Variants in KRT8 observed in about 807,000 individuals in gnomAD.
The protein encoded by KRT8 is keratin 8.
KRT8 carries 24 observed loss-of-function variants against 43.0 expected under a neutral mutation model. The ratio of observed to expected loss-of-function variants is 0.56; its 90% confidence interval spans 0.40 to 0.78. KRT8 has a LOEUF of 0.78. Ranked by LOEUF, KRT8 falls within the 30% of genes least tolerant of loss-of-function variation. The pLI is 0.00. For missense variants in KRT8, 492 were observed against 638.4 expected (o/e 0.77, Z 2.47); for synonymous variants, 214 against 261.2 (o/e 0.82, Z 1.74).
At chr12:52,935,400 A>AAGAAG (rs1565731950) in intron 2 of KRT8, among the ~76,000 whole-genome samples, 1 of 134,568 alleles carries the variant, frequency 7.4e-6, no homozygotes, top group Non-Finnish European at 1.6e-5. Context: ...AAAAAAAAAA[A>AAGAAG]AAAAAAAAAA....
chr12:52,899,627 G>C (rs747378454), intron 5 of KRT8, 148 bp downstream of exon 5: 14 of 693,082 alleles, frequency 2.0e-5, no homozygotes, highest in Non-Finnish European at 3.5e-5. Flanking sequence ...GAAGCAGACT[G>C]AGAAGCTGAA....
At chr12:52,913,577 C>A (rs1941676841) in intron 2 of KRT8, among the ~76,000 whole-genome samples, 1 of 143,188 alleles carries the variant, frequency 7.0e-6, no homozygotes, top group African/African-American at 2.5e-5. Flanking sequence ...CCTCACAGGC[C>A]CACCCCCCAC....
intron 2 of KRT8, among the ~76,000 whole-genome samples, chr12:52,939,376 C>T (rs1224550825): frequency 3.9e-5 from 6 of 152,124 alleles, no homozygotes; most frequent in Non-Finnish European, 2.9e-5. Context: ...TGGTGGCACA[C>T]GCCTTTAGTC....
chr12:52,938,159 TATATATATA>T (rs1942204201), intron 2 of KRT8, among the ~76,000 whole-genome samples: 3 of 40,394 alleles, frequency 7.4e-5, no homozygotes, highest in African/African-American at 3.0e-4. Context: ...TATATATATA[TATATATATA>T]TATTTTTTTT....
chr12:52,918,230 A>AAGAAGAAGAAGG (rs1941812787), intron 2 of KRT8, among the ~76,000 whole-genome samples: 1 of 149,454 alleles, frequency 6.7e-6, no homozygotes. Context: ...GAAGAAGAAG[A>AAGAAGAAGAAGG]AGAAGAAGAA....
At chr12:52,949,094 A>G (rs1280089289) in intron 2 of KRT8, 4 of 1,311,922 alleles carry the variant, frequency 3.0e-6, no homozygotes, top group Non-Finnish European at 3.2e-6. Flanking sequence ...CTGCGATATA[A>G]CTCGGGTCGC....
intron 1 of KRT8, 81 bp from the exon 2 acceptor site, chr12:52,902,153 T>G: frequency 1.2e-6 from 1 of 855,584 alleles, no homozygotes; most frequent in Non-Finnish European, 1.9e-6. Context: ...GTCTTTTCTC[T>G]TAATTCACTC....
chr12:52,900,997 C>T (rs1167455538), intron 3 of KRT8, 162 bp downstream of exon 3: 22 of 733,544 alleles, frequency 3.0e-5, no homozygotes, highest in Non-Finnish European at 5.3e-5. Flanking sequence ...AATGCACCTA[C>T]CACTCCATCC....
chr12:52,906,660 G>A (rs1359975588), upstream of KRT8: 1 of 455,606 alleles, frequency 2.2e-6, no homozygotes, highest in Non-Finnish European at 4.4e-6. Context: ...GATGGCTGGG[G>A]CTGGGTTCTC....
chr12:52,916,928 G>A (rs1302118819), intron 2 of KRT8, among the ~76,000 whole-genome samples: 1 of 152,170 alleles, frequency 6.6e-6, no homozygotes, highest in Non-Finnish European at 1.5e-5. Context: ...GCCAGCCCTG[G>A]AGAAGAGGTT....
At chr12:52,918,734 A>C (rs1941827733) in intron 2 of KRT8, among the ~76,000 whole-genome samples, 1 of 152,202 alleles carries the variant, frequency 6.6e-6, no homozygotes, top group Non-Finnish European at 1.5e-5. Context: ...AAGACATGTT[A>C]GCTTGACTCT....
chr12:52,918,224 A>AAGAAGG (rs1941812042), intron 2 of KRT8, among the ~76,000 whole-genome samples: 3 of 138,260 alleles, frequency 2.2e-5, no homozygotes, highest in Non-Finnish European at 5.0e-5. Flanking sequence ...GAAGAAGAAG[A>AAGAAGG]AGAAGAAGAA....
chr12:52,915,815 C>T (rs754300328), intron 2 of KRT8, among the ~76,000 whole-genome samples: 26 of 152,140 alleles, frequency 1.7e-4, no homozygotes, highest in Non-Finnish European at 3.4e-4. Context: ...CCAATAAAGA[C>T]GTGGAACCAG....
In KRT8 at chr12:52,926,238, A is replaced by ACTCC. The variant is rs1000924128; in HGVS notation, c.-46-21215_-46-21212dup. Reference sequence around the variant, plus strand: ...CTACAAACACTGCTTTGATCCTGTCACTCCCTAGCCCAGAGCTTCCCGTTG... The same window carrying ACTCC: ...CTACAAACACTGCTTTGATCCTGTCACTCCCTCCCTAGCCCAGAGCTTCCCGTTG... On this transcript the variant is annotated intron_variant, in intron 2 of 6. Coordinates refer to the KRT8 transcript ENST00000546826. Among the ~76,000 whole-genome samples the ACTCC allele has an allele frequency of 7.1e-5, 10 of 141,824 alleles. No individual in the cohort carries two copies. In the Admixed American group the frequency reaches 8.0e-4, roughly 11 times the overall value. The allele number at this position is 141,824 out of a possible 152,430, so 93.0% of individuals were successfully genotyped here. A position where few individuals can be genotyped will look rare whatever the true frequency, so the allele number is the denominator to read the frequency against.
chr12:52,912,483 C>G (rs1941654928), intron 2 of KRT8, among the ~76,000 whole-genome samples: 1 of 152,228 alleles, frequency 6.6e-6, no homozygotes, highest in African/African-American at 2.4e-5. Context: ...CACCCTGGAA[C>G]TTGACAAAGC....
At chr12:52,937,298 G>A (rs2120716747) in intron 2 of KRT8, among the ~76,000 whole-genome samples, 1 of 152,190 alleles carries the variant, frequency 6.6e-6, no homozygotes, top group Non-Finnish European at 1.5e-5. Flanking sequence ...TAGAACTCGG[G>A]AGGCAGAGGT....
At chr12:52,940,392 C>T (rs1237700193) in intron 2 of KRT8, among the ~76,000 whole-genome samples, 7 of 142,780 alleles carry the variant, frequency 4.9e-5, no homozygotes, top group Non-Finnish European at 7.5e-5. Flanking sequence ...AAGATCATGC[C>T]ACTGCACTCC....
At chr12:52,918,257 A>AAGAAGAAGAAGAAGAAGAAGAAGAAG (rs1592174901) in intron 2 of KRT8, among the ~76,000 whole-genome samples, 1 of 151,434 alleles carries the variant, frequency 6.6e-6, no homozygotes, top group Admixed American at 6.6e-5. Flanking sequence ...GAAGAAGAAG[A>AAGAAGAAGAAGAAGAAGAAGAAGAAG]AACAAAACAG....
intron 2 of KRT8, chr12:52,949,045 G>A (rs1367379778): frequency 1.2e-5 from 11 of 885,788 alleles, no homozygotes; most frequent in Middle Eastern, 3.5e-4. Flanking sequence ...TGTGGCTCCG[G>A]CTTCCGAAGC....
Sources: allele counts gnomAD v4.1 joint callset (sites outside exome capture counted in the v4.1 genomes callset), GRCh38; gene constraint gnomAD v4.1.1; transcripts MANE v1.5; gene names NCBI Gene and HGNC (gene_info 2026-07-23, HGNC 2026-07-21).